The following DIP2B variants were observed in gnomAD, a reference collection of about 807,000 sequenced individuals.
DIP2B encodes disco-interacting protein 2 homolog B.
A neutral mutation model predicts 198.0 loss-of-function variants in DIP2B; 76 were observed. The ratio of observed to expected loss-of-function variants is 0.38; its 90% CI spans 0.32 to 0.46. The LOEUF (loss-of-function observed/expected upper bound fraction) is 0.46, where lower values mean the gene tolerates loss of function less well. Among genes scored for constraint, DIP2B ranks in the 20% least tolerant of loss-of-function variants. The pLI, the probability that DIP2B is intolerant of heterozygous loss-of-function variation, is 0.99. For missense variants in DIP2B, 1,559 were observed against 1,978.4 expected, an observed-to-expected ratio of 0.79 and a Z score of 4.02; for synonymous variants, 701 against 739.1, an observed-to-expected ratio of 0.95 and a Z score of 0.84.
chr12:50,652,535 C>A (rs1297370088), intron 3 of DIP2B, among the ~76,000 whole-genome samples: 1 of 150,668 alleles, frequency 6.6e-6, no homozygotes, highest in Non-Finnish European at 1.5e-5. Flanking sequence ...GACTCCATTT[C>A]AAAAAAAAGA....
At chr12:50,588,136 C>CTT (rs11447445) in intron 1 of DIP2B, among the ~76,000 whole-genome samples, 4 of 149,256 alleles carry the variant, frequency 2.7e-5, no homozygotes, top group South Asian at 2.1e-4. Flanking sequence ...TACTTCTTTT[C>CTT]TTTTTTTTTT....
At chr12:50,551,680 G>A (rs572835487) in intron 1 of DIP2B, among the ~76,000 whole-genome samples, 2 of 152,194 alleles carry the variant, frequency 1.3e-5, no homozygotes, top group African/African-American at 2.4e-5. Flanking sequence ...CTGAGCTCAC[G>A]TGATCTGCCC....
chr12:50,734,240 C>T (rs1565886062), intron 33 of DIP2B, 44 bp downstream of exon 33: 3 of 1,601,178 alleles, frequency 1.9e-6, no homozygotes, highest in East Asian at 2.2e-5. Flanking sequence ...AGTTCCTAAG[C>T]ATAACAAATT....
At position 50,619,280 on chromosome 12, in the gene DIP2B, A is replaced by G. The variant is rs576138167; in HGVS notation, c.101-6696A>G. Among the ~76,000 whole-genome samples the G allele has an allele frequency of 6.6e-5, 10 of 152,338 alleles. No individual in the cohort carries two copies. In the South Asian group the frequency reaches 2.1e-3, roughly 32 times the overall value. ...CTCAAGGTACTGCACAAGGTCATAA[A>G]TGAAAGTTACTTAGCATTGCCACAT... On this transcript the variant is annotated intron_variant, in intron 1 of 37. Coordinates refer to ENST00000301180, the MANE Select transcript of DIP2B (RefSeq NM_173602.3).
chr12:50,699,067 G>T lies in DIP2B; in HGVS notation c.2190G>T (p.Gly730=), dbSNP rs769858730. The T allele has an allele frequency of 2.2e-5, 36 of 1,613,972 alleles. No homozygotes were observed. In the Middle Eastern group the frequency reaches 4.9e-4, roughly 22 times the overall value. Residue 730 remains glycine (G), a splice_region_variant and synonymous_variant, in exon 19 of 38, where the codon GGG becomes GGT. Coordinates refer to ENST00000301180, the MANE Select transcript of DIP2B (RefSeq NM_173602.3). ...VQDVGHVMPG[G]MMCIVKPDGP... Reference sequence around the variant, plus strand: ...TAACCTGTATTTTCTGTACGTTAGGGATGATGTGCATTGTGAAACCAGATG... The same window carrying T: ...TAACCTGTATTTTCTGTACGTTAGGTATGATGTGCATTGTGAAACCAGATG...
intron 1 of DIP2B, among the ~76,000 whole-genome samples, chr12:50,543,129 T>C (rs1958341299): frequency 6.6e-6 from 1 of 152,064 alleles, no homozygotes; most frequent in African/African-American, 2.4e-5. Context: ...TCACCTCAGC[T>C]TCCCAAAGTG....
chr12:50,709,523 A>G (rs1455539095), intron 22 of DIP2B, among the ~76,000 whole-genome samples: 1 of 152,000 alleles, frequency 6.6e-6, no homozygotes, highest in Non-Finnish European at 1.5e-5. Flanking sequence ...CTGTAGTCCC[A>G]GCTACTCGGG....
At chr12:50,605,921 A>T (rs1370204790) in intron 1 of DIP2B, among the ~76,000 whole-genome samples, 1 of 152,134 alleles carries the variant, frequency 6.6e-6, no homozygotes, top group Admixed American at 6.6e-5. Context: ...CCCCAGGTTC[A>T]AGCGATTTTC....
intron 12 of DIP2B, among the ~76,000 whole-genome samples, chr12:50,687,352 G>A (rs1210683908): frequency 2.6e-5 from 4 of 152,194 alleles, no homozygotes; most frequent in Admixed American, 6.5e-5. Flanking sequence ...GGCAGAGCTA[G>A]ACTCAGAGTT....
intron 28 of DIP2B, among the ~76,000 whole-genome samples, chr12:50,725,856 T>G: frequency 7.3e-6 from 1 of 136,316 alleles, no homozygotes; most frequent in Admixed American, 7.4e-5. Flanking sequence ...CTCCCTACCC[T>G]TTTTTTTTTT....
At position 50,722,019 on chromosome 12, in the gene DIP2B, C is replaced by CT. The variant is rs1178731438; in HGVS notation, c.3166+624dup. On this transcript the variant is annotated intron_variant, in intron 26 of 37. Transcript: ENST00000301180. ...TTTCATATTACGATTTAGTCTTCTT[C>CT]TGTTGTTGCTACTTTCATGTTCTGA... Among the ~76,000 whole-genome samples, 4 of 132,678 alleles carry CT rather than the reference C, an allele frequency of 3.0e-5. No homozygotes were observed. In the South Asian group the frequency reaches 7.3e-4, roughly 24 times the overall value. 87.0% of individuals were successfully genotyped at this position (132,678 alleles called of 152,430 possible).
At chr12:50,727,442 A>G (rs1330405509) in intron 28 of DIP2B, among the ~76,000 whole-genome samples, 2 of 152,196 alleles carry the variant, frequency 1.3e-5, no homozygotes, top group Admixed American at 6.5e-5. Flanking sequence ...TCTGCTTCCT[A>G]CTGTGTTCTG....
intron 23 of DIP2B, among the ~76,000 whole-genome samples, chr12:50,716,360 T>G (rs1939715410): frequency 6.6e-6 from 1 of 152,190 alleles, no homozygotes; most frequent in Non-Finnish European, 1.5e-5. Context: ...CTTTACATTT[T>G]GAAATAATTT....
chr12:50,674,633 A>T lies in DIP2B; in HGVS notation c.796+4A>T. On this transcript the variant is annotated splice_donor_region_variant and intron_variant, in intron 6 of 37. Coordinates refer to ENST00000301180, the MANE Select transcript of DIP2B (RefSeq NM_173602.3). Reference sequence around the variant, plus strand: ...AGCCTTATGGATACAGCTGATGGTAAGGAGTTGTTTTTGGTAGCTCAATTG... The same window carrying T: ...AGCCTTATGGATACAGCTGATGGTATGGAGTTGTTTTTGGTAGCTCAATTG... 1.2e-6 allele frequency: 2 copies of T among 1,613,918 alleles called. No homozygotes were observed. Among genetic ancestry groups the T allele is most frequent in the Non-Finnish European group, 1.7e-6 (2 of 1,179,892 alleles).
intron 1 of DIP2B, among the ~76,000 whole-genome samples, chr12:50,597,434 T>C (rs529069231): frequency 1.2e-3 from 187 of 152,370 alleles, no homozygotes; most frequent in African/African-American, 4.2e-3. Flanking sequence ...AGACAGCAGC[T>C]ATCTCACTTT....
chr12:50,520,302 C>T (rs184193139), intron 1 of DIP2B, among the ~76,000 whole-genome samples: 21 of 152,112 alleles, frequency 1.4e-4, no homozygotes, highest in African/African-American at 3.4e-4. Context: ...TTCCAAAGTG[C>T]GGGGACTACA....
intron 4 of DIP2B, among the ~76,000 whole-genome samples, chr12:50,664,830 GTTTTTGTTTTTTTT>G (rs1324573600): frequency 0.014 from 1,440 of 99,640 alleles, 324 homozygotes; most frequent in East Asian, 0.11. Flanking sequence ...TCCTTTTTTG[GTTTTTGTTTTTTTT>G]TTTTTTTTTT....
At chr12:50,737,190 C>A in intron 35 of DIP2B, 80 bp downstream of exon 35, 1 of 1,354,576 alleles carries the variant, frequency 7.4e-7, no homozygotes. Context: ...ATCAGTAAAA[C>A]TGTGGATTTA....
intron 23 of DIP2B, among the ~76,000 whole-genome samples, chr12:50,717,937 G>C (rs1346970688): frequency 9.7e-6 from 1 of 103,360 alleles, no homozygotes; most frequent in African/African-American, 3.9e-5. Context: ...GTCTCGCTCT[G>C]TCGCCATACT....
Sources: gnomAD v4.1 joint callset for allele counts (sites outside exome capture counted in the v4.1 genomes callset) on GRCh38, gnomAD v4.1.1 for gene constraint, MANE v1.5 for transcripts, NCBI Gene and HGNC (gene_info 2026-07-23, HGNC 2026-07-21) for gene names.